The following BLTP1 variants were observed in gnomAD, a reference collection of about 807,000 sequenced individuals.
BLTP1 encodes the protein bridge-like lipid transfer protein family member 1.
At chr4:122,172,390 T>G in the BLTP1 span, 1 of 642,936 alleles carries the variant, frequency 1.6e-6, no homozygotes, top group Non-Finnish European at 1.9e-6. Context: ...GAACTAGATT[T>G]TTTGAGAATA....
chr4:122,170,469 T>G, the BLTP1 span: 4 of 1,302,592 alleles, frequency 3.1e-6, no homozygotes, highest in Non-Finnish European at 3.9e-6. Flanking sequence ...GCATTTTTGT[T>G]GTATTTTTGC....
the BLTP1 span, chr4:122,200,960 G>T: frequency 6.3e-7 from 1 of 1,591,354 alleles, no homozygotes; most frequent in East Asian, 2.2e-5. Context: ...TGTTCACACA[G>T]TGTCACATTT....
the BLTP1 span, chr4:122,187,465 T>A: frequency 6.2e-7 from 1 of 1,612,364 alleles, no homozygotes; most frequent in African/African-American, 1.3e-5. Flanking sequence ...AGACCCCACA[T>A]CTTCATGGAG....
At chr4:122,187,536 C>G in the BLTP1 span, 1 of 1,601,966 alleles carries the variant, frequency 6.2e-7, no homozygotes, top group Non-Finnish European at 8.5e-7. Flanking sequence ...GCTACAATTA[C>G]TGTTTCATGG....
the BLTP1 span, among the ~76,000 whole-genome samples, chr4:122,206,468 T>G: frequency 6.6e-6 from 1 of 151,894 alleles, no homozygotes; most frequent in African/African-American, 2.4e-5. Context: ...TTTATAATAG[T>G]CTTGAAAAAT....
the BLTP1 span, chr4:122,230,273 G>A: frequency 7.2e-7 from 1 of 1,381,806 alleles, no homozygotes; most frequent in East Asian, 2.3e-5. Flanking sequence ...CTAGATAATT[G>A]TAGAGGAAAT....
At chr4:122,286,865 C>T in the BLTP1 span, 3 of 1,190,358 alleles carry the variant, frequency 2.5e-6, no homozygotes, top group Non-Finnish European at 3.6e-6. Flanking sequence ...ATGTAGTAAT[C>T]CAAACTTTTA....
chr4:122,169,935 G>A, the BLTP1 span: 2 of 984,550 alleles, frequency 2.0e-6, no homozygotes, highest in Non-Finnish European at 2.4e-6. Context: ...AATATTAAGT[G>A]GTGGCTTTGG....
chr4:122,280,453 A>G, the BLTP1 span, among the ~76,000 whole-genome samples: 1 of 152,154 alleles, frequency 6.6e-6, no homozygotes, highest in Non-Finnish European at 1.5e-5. Flanking sequence ...CTATGTCTGT[A>G]GCCTTTGTTC....
At chr4:122,158,553 G>A in the BLTP1 span, among the ~76,000 whole-genome samples, 1 of 152,014 alleles carries the variant, frequency 6.6e-6, no homozygotes, top group Non-Finnish European at 1.5e-5. Flanking sequence ...GGATTACAAG[G>A]TCAGGAGATT....
At chr4:122,293,828 C>T in the BLTP1 span, among the ~76,000 whole-genome samples, 5 of 152,326 alleles carry the variant, frequency 3.3e-5, no homozygotes, top group South Asian at 1.0e-3. Flanking sequence ...CCTGAGACGG[C>T]CCCTGGGAGA....
chr4:122,259,858 C>CAAA, the BLTP1 span: 15,623 of 664,252 alleles, frequency 0.024, 828 homozygotes, highest in African/African-American at 0.2. Flanking sequence ...GACGCCATCT[C>CAAA]AAAAAAAAAA....
the BLTP1 span, among the ~76,000 whole-genome samples, chr4:122,326,830 T>C: frequency 2.0e-5 from 3 of 151,768 alleles, no homozygotes; most frequent in African/African-American, 7.2e-5. Flanking sequence ...AAATATTTAT[T>C]GTCTCTTACC....
the BLTP1 span, chr4:122,237,527 A>G: frequency 7.0e-6 from 3 of 430,226 alleles, no homozygotes; most frequent in Non-Finnish European, 9.3e-6. Context: ...AAATAAGTAA[A>G]TCCGAATAGA....
chr4:122,246,589 C>A, the BLTP1 span: 1 of 1,384,284 alleles, frequency 7.2e-7, no homozygotes, highest in South Asian at 1.4e-5. Context: ...CATAGATATG[C>A]CATTCTTAAC....
the BLTP1 span, chr4:122,229,860 A>C: frequency 6.7e-7 from 1 of 1,495,318 alleles, no homozygotes. Context: ...TCACCTATTC[A>C]GTAGTTTTGG....
chr4:122,233,859 A>G, the BLTP1 span, among the ~76,000 whole-genome samples: 2 of 152,168 alleles, frequency 1.3e-5, no homozygotes, highest in African/African-American at 2.4e-5. Context: ...TGTAAACTTC[A>G]TATGGATAAG....
the BLTP1 span, chr4:122,333,567 T>C: frequency 4.0e-6 from 6 of 1,494,174 alleles, no homozygotes; most frequent in African/African-American, 1.4e-5. Flanking sequence ...AAAAGTTTGC[T>C]TTTAAACAAA....
the BLTP1 span, chr4:122,356,847 T>G: frequency 1.3e-6 from 2 of 1,508,652 alleles, no homozygotes; most frequent in Non-Finnish European, 1.8e-6. Flanking sequence ...AGAAAATGAG[T>G]GGAATATATC....
Sources: gnomAD v4.1 joint callset for allele counts (sites outside exome capture counted in the v4.1 genomes callset) on GRCh38, gnomAD v4.1.1 for gene constraint, MANE v1.5 for transcripts, NCBI Gene and HGNC (gene_info 2026-07-23, HGNC 2026-07-21) for gene names.